C5orf58: variants seen among roughly 807,000 people sequenced by gnomAD.
C5orf58 encodes chromosome 5 open reading frame 58.
A neutral mutation model predicts 2.9 loss-of-function variants in C5orf58; 2 were observed. The observed-to-expected ratio is 0.69, with a 90% confidence interval of 0.28 to 2.18. C5orf58 has a LOEUF of 2.18. Among genes scored for constraint, C5orf58 ranks in the 30% most tolerant of loss-of-function variants. The pLI, the probability that C5orf58 is intolerant of heterozygous loss-of-function variation, is 0.13. For missense variants in C5orf58, 96 were observed against 91.7 expected (o/e 1.05, Z -0.19); for synonymous variants, 37 against 33.4 (o/e 1.11, Z -0.37).
chr5:170,238,404 G>A (rs892644910), intron 3 of C5orf58, among the ~76,000 whole-genome samples: 2 of 152,150 alleles, frequency 1.3e-5, no homozygotes, highest in African/African-American at 2.4e-5. Flanking sequence ...TTCCTCTAGA[G>A]TGTAAACAAA....
intron 3 of C5orf58, among the ~76,000 whole-genome samples, chr5:170,240,742 G>T (rs921608022): frequency 2.9e-4 from 43 of 148,902 alleles, no homozygotes; most frequent in Non-Finnish European, 4.7e-4. Flanking sequence ...TCACTCTGAT[G>T]GTAGTTTCTT....
chr5:170,246,248 G>A (rs115514566), downstream of C5orf58: 849 of 736,116 alleles, frequency 1.2e-3, 7 homozygotes, highest in African/African-American at 0.013. Flanking sequence ...GTTCTTGAAG[G>A]CTGTTTAATG....
intron 3 of C5orf58, among the ~76,000 whole-genome samples, chr5:170,241,418 G>C (rs1290324185): frequency 3.3e-5 from 5 of 151,394 alleles, no homozygotes; most frequent in Non-Finnish European, 7.3e-5. Context: ...AGCATGAAAT[G>C]TTCTTCCATT....
At chr5:170,237,529 A>G (rs1760792688) in intron 3 of C5orf58, among the ~76,000 whole-genome samples, 1 of 152,308 alleles carries the variant, frequency 6.6e-6, no homozygotes, top group East Asian at 1.9e-4. Context: ...ATAACAAAAC[A>G]AAAGGCAAAT....
At chr5:170,239,160 A>T (rs1760869592) in intron 3 of C5orf58, among the ~76,000 whole-genome samples, 1 of 152,202 alleles carries the variant, frequency 6.6e-6, no homozygotes, top group Admixed American at 6.5e-5. Flanking sequence ...CATTTAGGAT[A>T]TATTTCTGAT....
intron 1 of C5orf58, 150 bp from the exon 2 acceptor site, chr5:170,233,965 T>C (rs1760631945): frequency 2.5e-6 from 1 of 394,582 alleles, no homozygotes; most frequent in East Asian, 7.2e-5. Context: ...ATTCCACCAC[T>C]CCACCCCTTG....
downstream of C5orf58, among the ~76,000 whole-genome samples, chr5:170,249,705 A>G (rs1003283623): frequency 6.6e-6 from 1 of 152,212 alleles, no homozygotes; most frequent in African/African-American, 2.4e-5. Context: ...ATTTGCAGCC[A>G]TAGCCTGGAT....
chr5:170,235,006 G>A lies in C5orf58; in HGVS notation c.30G>A (p.Lys10=), dbSNP rs766243779. MGKKRVTDH[K]LNVDKVIKNI... ...GTAAGAAGCGTGTTACTGATCATAA[G>A]CTAAATGTGGACAAAGTAATTAAAA... Residue 10 remains lysine, a synonymous_variant, in exon 3 of 4, where the codon AAG becomes AAA. Coordinates refer to ENST00000593851, the MANE Select transcript of C5orf58 (RefSeq NM_001102609.3). 5.2e-6 allele frequency: 8 copies of A among 1,547,076 alleles called. No homozygotes were observed. The highest frequency in any genetic ancestry group is 7.1e-6 in the Non-Finnish European group (8 of 1,128,880).
intron 1 of C5orf58, 40 bp from the exon 2 acceptor site, chr5:170,234,075 T>TG: frequency 8.0e-7 from 1 of 1,257,616 alleles, no homozygotes; most frequent in Admixed American, 2.0e-5. Flanking sequence ...TGGGGGTAGA[T>TG]GCAAAGCGCA....
intron 3 of C5orf58, among the ~76,000 whole-genome samples, chr5:170,243,579 T>C (rs1395418827): frequency 6.6e-6 from 1 of 151,848 alleles, no homozygotes; most frequent in Non-Finnish European, 1.5e-5. Flanking sequence ...AAGTCTGTTT[T>C]ATCAGAGACT....
intron 3 of C5orf58, among the ~76,000 whole-genome samples, chr5:170,244,061 AT>A (rs1322322652): frequency 3.3e-5 from 5 of 151,958 alleles, no homozygotes; most frequent in Non-Finnish European, 7.4e-5. Flanking sequence ...TGGATATGAA[AT>A]TCTGGGTTGA....
At position 170,234,961 on chromosome 5, in the gene C5orf58, T is replaced by A. The variant is rs747777610; in HGVS notation, c.1-16T>A. The A allele has an allele frequency of 1.0e-5, 13 of 1,276,838 alleles. No individual in the cohort carries two copies. In the Admixed American group the frequency reaches 1.8e-4, roughly 17 times the overall value. The allele number at this position is 1,276,838 out of a possible 1,614,324, so 79.1% of individuals were successfully genotyped here. A position where few individuals can be genotyped will look rare whatever the true frequency, so the allele number is the denominator to read the frequency against. ...TACTGATTTATACATTGTTTCTGTT[T>A]TTCTTTTAAAATCAGATGGGTAAGA... is the stretch of plus-strand genomic sequence containing the variant. On this transcript the variant is annotated splice_polypyrimidine_tract_variant and intron_variant, in intron 2 of 3. Transcript: ENST00000593851.
chr5:170,241,110 G>T (rs1760986494), intron 3 of C5orf58, among the ~76,000 whole-genome samples: 1 of 149,684 alleles, frequency 6.7e-6, no homozygotes, highest in Non-Finnish European at 1.5e-5. Context: ...ATTTCTGAGG[G>T]CTCTGTTCTG....
At chr5:170,237,996 CTAAAGATA>C in intron 3 of C5orf58, among the ~76,000 whole-genome samples, 1 of 152,120 alleles carries the variant, frequency 6.6e-6, no homozygotes, top group Non-Finnish European at 1.5e-5. Flanking sequence ...GATAAAAGAT[CTAAAGATA>C]CTAATAGCAG....
At chr5:170,235,869 A>G (rs185424670) in intron 3 of C5orf58, among the ~76,000 whole-genome samples, 1 of 152,330 alleles carries the variant, frequency 6.6e-6, no homozygotes, top group South Asian at 2.1e-4. Context: ...AAGGAAAAAC[A>G]AGAAGATCCA....
downstream of C5orf58, chr5:170,246,285 A>C: frequency 3.7e-6 from 2 of 547,278 alleles, no homozygotes; most frequent in Non-Finnish European, 6.2e-6. Flanking sequence ...AACTTACGTC[A>C]CTAATGGCAA....
At chr5:170,238,169 G>GA (rs1437849495) in intron 3 of C5orf58, among the ~76,000 whole-genome samples, 5 of 152,062 alleles carry the variant, frequency 3.3e-5, no homozygotes, top group African/African-American at 9.6e-5. Context: ...TTAAAAAGCA[G>GA]AGAAAAAATC....
downstream of C5orf58, chr5:170,252,279 A>G (rs1761461443): frequency 2.2e-6 from 1 of 454,658 alleles, no homozygotes; most frequent in Non-Finnish European, 4.0e-6. Flanking sequence ...GGGTGCTGGT[A>G]GTTGTGAAGC....
chr5:170,240,744 T>C (rs1388722581), intron 3 of C5orf58, among the ~76,000 whole-genome samples: 44 of 149,582 alleles, frequency 2.9e-4, no homozygotes, highest in Non-Finnish European at 4.7e-4. Flanking sequence ...ACTCTGATGG[T>C]AGTTTCTTTT....
Sources: gnomAD v4.1 joint callset for allele counts (sites outside exome capture counted in the v4.1 genomes callset) on GRCh38, gnomAD v4.1.1 for gene constraint, MANE v1.5 for transcripts, NCBI Gene and HGNC (gene_info 2026-07-23, HGNC 2026-07-21) for gene names.